The following CEACAM19 variants were observed in gnomAD, a reference collection of about 807,000 sequenced individuals.
CEACAM19 encodes the protein CEA cell adhesion molecule 19.
A neutral mutation model predicts 37.6 loss-of-function variants in CEACAM19; 37 were observed. The observed-to-expected ratio is 0.98, with a 90% CI of 0.76 to 1.29. The LOEUF is 1.29. Ranked by LOEUF, CEACAM19 falls within the 50% of genes most tolerant of loss-of-function variation. The pLI is 0.00. For missense variants in CEACAM19, 340 were observed against 375.6 expected, an observed-to-expected ratio of 0.91 and a Z score of 0.78; for synonymous variants, 140 against 149.8, an observed-to-expected ratio of 0.93 and a Z score of 0.48.
chr19:44,670,414 C>T (rs1402330472), upstream of CEACAM19, among the ~76,000 whole-genome samples: 1 of 151,662 alleles, frequency 6.6e-6, no homozygotes, highest in African/African-American at 2.4e-5. Flanking sequence ...GTGGCTCATG[C>T]CTATACTCCT....
chr19:44,681,401 C>A, intron 6 of CEACAM19, 89 bp downstream of exon 6: 2 of 787,082 alleles, frequency 2.5e-6, no homozygotes, highest in Non-Finnish European at 4.2e-6. Flanking sequence ...GCCATCTTGA[C>A]ACCAGGTTTG....
At chr19:44,677,417 G>A (rs1292920995) in intron 3 of CEACAM19, among the ~76,000 whole-genome samples, 2 of 151,894 alleles carry the variant, frequency 1.3e-5, no homozygotes, top group African/African-American at 2.4e-5. Context: ...GCTATCAGAT[G>A]CTACCTACTT....
Position 44,679,077 on chromosome 19 carries a change from C to T in CEACAM19, c.659+141C>T, listed in dbSNP as rs879108476. ...GTGCGATCGTAGCTCACCGTAGCCT[C>T]GACCTCCCTGGTTCAAACTATCCTC... On this transcript the variant is annotated intron_variant, in intron 4 of 7. Transcript: ENST00000358777. 6.2e-6 allele frequency: 8 copies of T among 1,291,906 alleles called. No homozygotes were observed. The South Asian group carries it at 6.4e-5, about 10-fold the overall frequency. The allele number at this position is 1,291,906 out of a possible 1,614,324, so 80.0% of individuals were successfully genotyped here. A position where few individuals can be genotyped will look rare whatever the true frequency, so the allele number is the denominator to read the frequency against.
At position 44,683,544 on chromosome 19, in the gene CEACAM19, G is replaced by T; in HGVS notation, c.*54G>T. Reference sequence around the variant, plus strand: ...AAGACAAGGCCCCAGCCCTCCTCTGGGAGCCTCACACCTGAGACCAGCAGG... The same window carrying T: ...AAGACAAGGCCCCAGCCCTCCTCTGTGAGCCTCACACCTGAGACCAGCAGG... On this transcript the variant is annotated 3_prime_UTR_variant, in exon 8 of 8. Transcript: ENST00000358777. 1 of 1,200,558 alleles carries T rather than the reference G, an allele frequency of 8.3e-7. No homozygotes were observed. The highest frequency in any genetic ancestry group is 1.2e-6 in the Non-Finnish European group (1 of 865,352). 74.4% of individuals were successfully genotyped at this position (1,200,558 alleles called of 1,614,324 possible).
In CEACAM19 at chr19:44,673,093, C is replaced by T. The variant is rs1331471523; in HGVS notation, c.424+129C>T. 3 of 673,070 alleles carry T rather than the reference C, an allele frequency of 4.5e-6. No homozygotes were observed. The East Asian group carries it at 9.3e-5, about 21-fold the overall frequency. The allele number at this position is 673,070 out of a possible 1,614,324, so 41.7% of individuals were successfully genotyped here. On this transcript the variant is annotated intron_variant, in intron 2 of 7. Coordinates refer to ENST00000358777, the MANE Select transcript of CEACAM19 (RefSeq NM_001127893.3). ...TATTCACTTGACACATATTGAGCAT[C>T]TACTGTGTACCAATCCCCAGAGATA...
upstream of CEACAM19, among the ~76,000 whole-genome samples, chr19:44,667,638 AT>A (rs1283438146): frequency 9.8e-5 from 9 of 92,052 alleles, no homozygotes; most frequent in Admixed American, 1.9e-4. Flanking sequence ...ATATAAATAT[AT>A]AATATATATT....
At chr19:44,672,131 C>T (rs1749456415) in intron 1 of CEACAM19, 145 bp downstream of exon 1, 1 of 685,148 alleles carries the variant, frequency 1.5e-6, no homozygotes, top group East Asian at 2.7e-5. Flanking sequence ...ATCACAGCCT[C>T]ATTGCCATTT....
chr19:44,668,639 TTATATATGTATATA>T (rs1973800888), upstream of CEACAM19, among the ~76,000 whole-genome samples: 1 of 84,334 alleles, frequency 1.2e-5, no homozygotes, highest in African/African-American at 5.3e-5. Flanking sequence ...TATACACATA[TTATATATGTATATA>T]ATTATATAAT....
In CEACAM19 at chr19:44,676,295, C is replaced by T. The variant is rs78626419; in HGVS notation, c.449C>T (p.Thr150Ile). 40,680 of 1,614,036 alleles carry T rather than the reference C, an allele frequency of 0.025. 853 individuals are homozygous for T. Among genetic ancestry groups the T allele is most frequent in the African/African-American group, 0.12 (8,690 of 74,972 alleles). The stretch of plus-strand genomic sequence containing the variant: ...GAAAAGAATAAGGAGCTGCCCAGTA[C>T]ACACCTGCCCACCAACGCTGGGATC... ...VAEKNKELPS[T>I]HLPTNAGILA... Residue 150 changes from threonine (T) to isoleucine (I), a missense_variant, in exon 3 of 8, where the codon ACA becomes ATA. Transcript: ENST00000358777.
At chr19:44,672,056 CT>C in intron 1 of CEACAM19, 70 bp downstream of exon 1, 2 of 1,296,640 alleles carry the variant, frequency 1.5e-6, no homozygotes, top group Non-Finnish European at 2.2e-6. Context: ...GAAGTTTCCT[CT>C]TAGAAGTAGG....
In CEACAM19 at chr19:44,683,714, G is replaced by T. The variant is rs1259674595; in HGVS notation, c.*224G>T. ...GCCCGTGAATGCACGCCCGCCTTCG[G>T]TCTGTTCCTTCAAGCAAGCTGGCCT... is the stretch of plus-strand genomic sequence containing the variant. On this transcript the variant is annotated 3_prime_UTR_variant, in exon 8 of 8. Transcript: ENST00000358777. 5.0e-6 allele frequency: 2 copies of T among 401,138 alleles called. No individual in the cohort carries two copies. The highest frequency in any genetic ancestry group is 1.0e-4 in the South Asian group (1 of 9,784). The allele number at this position is 401,138 out of a possible 1,614,324, so 24.8% of individuals were successfully genotyped here. A position where few individuals can be genotyped will look rare whatever the true frequency, so the allele number is the denominator to read the frequency against.
chr19:44,668,659 ATAAT>A (rs1436991223), upstream of CEACAM19, among the ~76,000 whole-genome samples: 1 of 83,166 alleles, frequency 1.2e-5, no homozygotes, highest in Admixed American at 2.0e-4. Context: ...ATATAATTAT[ATAAT>A]TATATACATA....
chr19:44,669,319 C>G (rs966183772), upstream of CEACAM19, among the ~76,000 whole-genome samples: 1 of 151,908 alleles, frequency 6.6e-6, no homozygotes, highest in African/African-American at 2.4e-5. Context: ...AGTTGGGGTC[C>G]TACTATGTTG....
chr19:44,667,655 G>GATATATAAATATAAATATATATTAT (rs1973742351), upstream of CEACAM19, among the ~76,000 whole-genome samples: 2 of 66,162 alleles, frequency 3.0e-5, no homozygotes, highest in African/African-American at 1.2e-4. Flanking sequence ...ATATTATATA[G>GATATATAAATATAAATATATATTAT]ATATATAAAT....
chr19:44,681,175 T>C, intron 5 of CEACAM19, 52 bp from the exon 6 acceptor site: 1 of 1,184,626 alleles, frequency 8.4e-7, no homozygotes, highest in Non-Finnish European at 1.3e-6. Flanking sequence ...GCAGTCAGAG[T>C]GGCCTGTGGG....
At chr19:44,670,535 C>T (rs1051104156), upstream of CEACAM19, among the ~76,000 whole-genome samples, 4 of 150,398 alleles carry the variant, frequency 2.7e-5, no homozygotes, top group African/African-American at 9.8e-5. Context: ...ATTAGCCAGG[C>T]ATGGTGACGC....
At chr19:44,668,670 C>T (rs1302841324), upstream of CEACAM19, among the ~76,000 whole-genome samples, 3 of 38,492 alleles carry the variant, frequency 7.8e-5, no homozygotes, top group African/African-American at 2.3e-4. Flanking sequence ...TAATTATATA[C>T]ATATATTATA....
At chr19:44,674,446 G>A (rs1198351510) in intron 2 of CEACAM19, among the ~76,000 whole-genome samples, 1 of 151,430 alleles carries the variant, frequency 6.6e-6, no homozygotes, top group Non-Finnish European at 1.5e-5. Context: ...GGGATTACAA[G>A]AATAAGCCAC....
chr19:44,672,945 G>A lies in CEACAM19; in HGVS notation c.405G>A (p.Lys135=). The change falls in exon 2 of 8, where the codon AAG becomes AAA. Residue 135 remains lysine (K), a synonymous_variant. Transcript: ENST00000358777. ...ACTCTGAATGGACTATGAAGGCCAAGACTGAGGTCCAGGTAGCTGGTAAGT... is the reference window on the plus strand; with the variant it reads ...ACTCTGAATGGACTATGAAGGCCAAAACTGAGGTCCAGGTAGCTGGTAAGT... ...TINSEWTMKA[K]TEVQVAEKNK... is the part of the protein sequence containing the mutation. The A allele has an allele frequency of 6.7e-7, 1 of 1,496,532 alleles. No individual in the cohort carries two copies. The highest frequency in any genetic ancestry group is 8.9e-7 in the Non-Finnish European group (1 of 1,117,906). 92.7% of individuals were successfully genotyped at this position (1,496,532 alleles called of 1,614,324 possible). A position where few individuals can be genotyped will look rare whatever the true frequency, so the allele number is the denominator to read the frequency against.
Sources: gnomAD v4.1 joint callset for allele counts (sites outside exome capture counted in the v4.1 genomes callset) on GRCh38, gnomAD v4.1.1 for gene constraint, MANE v1.5 for transcripts, NCBI Gene and HGNC (gene_info 2026-07-23, HGNC 2026-07-21) for gene names.